SULT2A1: variants seen among roughly 807,000 people sequenced by gnomAD.
The protein encoded by SULT2A1 is sulfotransferase family 2A member 1.
Under a neutral mutation model 33.9 loss-of-function variants are expected in SULT2A1, and 43 were observed. The observed-to-expected ratio is 1.27, with a 90% CI of 1.00 to 1.64. The LOEUF is 1.64. Among genes scored for constraint, SULT2A1 ranks in the 40% most tolerant of loss-of-function variants. The pLI, the probability that SULT2A1 is intolerant of heterozygous loss-of-function variation, is 0.00. For missense variants in SULT2A1, 300 were observed against 335.1 expected (o/e 0.90, Z 0.82); for synonymous variants, 125 against 113.6 (o/e 1.10, Z -0.64).
intron 1 of SULT2A1, among the ~76,000 whole-genome samples, chr19:47,884,219 T>A (rs1283591521): frequency 2.6e-5 from 4 of 151,194 alleles, no homozygotes; most frequent in Non-Finnish European, 4.4e-5. Flanking sequence ...TCACCCAGGC[T>A]GGAGTGCAAT....
intron 3 of SULT2A1, among the ~76,000 whole-genome samples, chr19:47,880,368 G>A (rs1318509179): frequency 6.6e-6 from 1 of 151,650 alleles, no homozygotes; most frequent in African/African-American, 2.4e-5. Flanking sequence ...CTTCCCACCA[G>A]GTCCCTCCTA....
At chr19:47,883,433 G>A in intron 2 of SULT2A1, 144 bp downstream of exon 2, 1 of 785,310 alleles carries the variant, frequency 1.3e-6, no homozygotes, top group South Asian at 1.7e-5. Flanking sequence ...AGCCACATAG[G>A]TGTCACCTAA....
chr19:47,881,938 G>C, intron 3 of SULT2A1, 146 bp downstream of exon 3: 1 of 977,124 alleles, frequency 1.0e-6, no homozygotes, highest in Admixed American at 2.5e-5. Flanking sequence ...CTATGCGGGA[G>C]AGTAAGCGAA....
chr19:47,880,575 A>G (rs1488486647), intron 3 of SULT2A1, among the ~76,000 whole-genome samples: 1 of 11,656 alleles, frequency 8.6e-5, no homozygotes, highest in Non-Finnish European at 1.8e-4. Flanking sequence ...TATTATTATT[A>G]TTATTATTAT....
rs1030604616 is a variant in SULT2A1, at chr19:47,886,193, G to A, written c.65C>T (p.Thr22Ile). The change falls in exon 1 of 6, where the codon ACC becomes ATC. Residue 22 changes from threonine (T) to isoleucine (I), a missense_variant. By Grantham distance (89) the Thr-to-Ile change is moderately conservative. Transcript: ENST00000222002. ...AFPTMGFRSE[T>I]LRKVRDEFVI... ...GAACTCATCACGTACTTTTCTTAAGGTTTCGGATCTGAAACCCATAGTAGG... is the reference window on the plus strand; with the variant it reads ...GAACTCATCACGTACTTTTCTTAAGATTTCGGATCTGAAACCCATAGTAGG... 33 of 1,613,896 alleles carry A rather than the reference G, an allele frequency of 2.0e-5. No individual in the cohort carries two copies. The highest frequency in any genetic ancestry group is 2.8e-5 in the Non-Finnish European group (33 of 1,180,018).
At chr19:47,873,331 G>A (rs1968510702) in intron 5 of SULT2A1, among the ~76,000 whole-genome samples, 1 of 151,596 alleles carries the variant, frequency 6.6e-6, no homozygotes, top group South Asian at 2.1e-4. Context: ...CACCACACTT[G>A]GCTAATTTTT....
At chr19:47,883,100 A>G (rs4149448) in intron 2 of SULT2A1, among the ~76,000 whole-genome samples, 20,022 of 151,840 alleles carry the variant, frequency 0.13, 1,439 homozygotes, top group African/African-American at 0.18. Flanking sequence ...AGTAAGACGA[A>G]GTGTGTACAG....
At chr19:47,875,791 G>A (rs1039718810) in intron 4 of SULT2A1, among the ~76,000 whole-genome samples, 1 of 152,116 alleles carries the variant, frequency 6.6e-6, no homozygotes, top group East Asian at 1.9e-4. Flanking sequence ...GTTTAGAGAG[G>A]CTTCTAGACA....
Position 47,882,211 on chromosome 19 carries a change from C to T in SULT2A1, c.346-1G>A, listed in dbSNP as rs1377365305. 6.2e-7 allele frequency: 1 copy of T among 1,607,244 alleles called. No individual in the cohort carries two copies. The highest frequency in any genetic ancestry group is 8.5e-7 in the Non-Finnish European group (1 of 1,176,990). On this transcript the variant is annotated splice_acceptor_variant, in intron 2 of 5. Coordinates refer to ENST00000222002, the MANE Select transcript of SULT2A1 (RefSeq NM_003167.4). LOFTEE classifies it high-confidence loss of function. ...TGGGATTTCTCATGAGATAAATCAC[C>T]TTAAATGGAAAAACGGGAGAATGAA...
At chr19:47,878,302 C>T (rs1023389623) in intron 4 of SULT2A1, among the ~76,000 whole-genome samples, 7 of 151,922 alleles carry the variant, frequency 4.6e-5, no homozygotes, top group Admixed American at 6.6e-5. Flanking sequence ...CTCGGCTTCC[C>T]GAGTAGCTGG....
chr19:47,880,525 A>G (rs1419927408), intron 3 of SULT2A1, among the ~76,000 whole-genome samples: 1 of 151,688 alleles, frequency 6.6e-6, no homozygotes, highest in African/African-American at 2.4e-5. Flanking sequence ...GAGAACATTT[A>G]AGATGGTCTC....
chr19:47,874,871 G>T (rs1968528329), intron 4 of SULT2A1, 37 bp from the exon 5 acceptor site: 1 of 1,592,324 alleles, frequency 6.3e-7, no homozygotes. Context: ...ATACGAAAGA[G>T]AAAGACAAGG....
intron 5 of SULT2A1, among the ~76,000 whole-genome samples, chr19:47,873,513 A>G (rs1437227709): frequency 6.6e-6 from 1 of 150,668 alleles, no homozygotes; most frequent in African/African-American, 2.4e-5. Flanking sequence ...AGACATTTCC[A>G]TTCATCTTGG....
chr19:47,877,078 T>A (rs79019168), intron 4 of SULT2A1, among the ~76,000 whole-genome samples: 333 of 123,156 alleles, frequency 2.7e-3, no homozygotes, highest in East Asian at 4.4e-3. Flanking sequence ...CTCCACCTCA[T>A]AAAAAAAAAA....
At position 47,883,651 on chromosome 19, in the gene SULT2A1, C is replaced by A; in HGVS notation, c.271G>T (p.Glu91Ter). 1 of 1,614,082 alleles carries A rather than the reference C, an allele frequency of 6.2e-7. No homozygotes were observed. Among genetic ancestry groups the A allele is most frequent in the Non-Finnish European group, 8.5e-7 (1 of 1,180,020 alleles). ...TGGGAGGAGAATAAACGTGGACTCT[C>A]CGTTTCACTGAGTGCTGTATACCCA... ...EIGYTALSET[E>*]SPRLFSSHLP... The change falls in exon 2 of 6, where the codon GAG becomes TAG. Residue 91 changes from glutamate (E) to a stop codon, truncating the protein, a stop_gained. Transcript: ENST00000222002. LOFTEE classifies it high-confidence loss of function.
chr19:47,880,247 A>AAC (rs1555804746), intron 3 of SULT2A1, among the ~76,000 whole-genome samples: 3 of 150,598 alleles, frequency 2.0e-5, no homozygotes, highest in Admixed American at 6.6e-5. Context: ...AAAAAAAAAA[A>AAC]AAAAAAAAAA....
intron 2 of SULT2A1, 41 bp from the exon 3 acceptor site, chr19:47,882,251 A>C (rs1380033634): frequency 1.3e-6 from 2 of 1,592,772 alleles, no homozygotes; most frequent in Admixed American, 3.6e-5. Context: ...CAATACAGTC[A>C]ATCCTCACTC....
At position 47,871,326 on chromosome 19, in the gene SULT2A1, T is replaced by C. The variant is rs1968490239; in HGVS notation, c.*129A>G. The C allele has an allele frequency of 1.4e-6, 1 of 726,864 alleles. No homozygotes were observed. The highest frequency in any genetic ancestry group is 2.3e-6 in the Non-Finnish European group (1 of 435,354). The allele number at this position is 726,864 out of a possible 1,614,324, so 45.0% of individuals were successfully genotyped here. On this transcript the variant is annotated 3_prime_UTR_variant, in exon 6 of 6. Transcript: ENST00000222002. The stretch of plus-strand genomic sequence containing the variant: ...CTTTTAACAAGGAAGGGATCAGAGA[T>C]GCAGAGGTTTGATATTTAAGGTTTC...
At chr19:47,874,326 G>A (rs1458905669) in intron 5 of SULT2A1, among the ~76,000 whole-genome samples, 1 of 151,902 alleles carries the variant, frequency 6.6e-6, no homozygotes, top group Non-Finnish European at 1.5e-5. Context: ...GGATCACAAG[G>A]TCAGGAGATC....
Sources: gnomAD v4.1 joint callset for allele counts (sites outside exome capture counted in the v4.1 genomes callset) on GRCh38, gnomAD v4.1.1 for gene constraint, MANE v1.5 for transcripts, NCBI Gene and HGNC (gene_info 2026-07-23, HGNC 2026-07-21) for gene names.